The following FAAH2 variants were observed in gnomAD, a reference collection of about 807,000 sequenced individuals.
FAAH2 encodes the protein fatty acid amide hydrolase 2, also known as fatty-acid amide hydrolase 2.
A neutral mutation model predicts 36.9 loss-of-function variants in FAAH2; 60 were observed. The ratio of observed to expected loss-of-function variants is 1.63; its 90% confidence interval spans 1.32 to 2.02. The LOEUF (loss-of-function observed/expected upper bound fraction) is 2.02, where lower values mean the gene tolerates loss of function less well. Among genes scored for constraint, FAAH2 ranks in the 30% most tolerant of loss-of-function variants. The pLI is 0.00. For synonymous variants in FAAH2, 214 were observed against 143.8 expected (o/e 1.49, Z -3.49); for missense variants, 689 against 397.5 (o/e 1.73, Z -6.23).
At position 57,288,091 on chromosome X, in the gene FAAH2, T is replaced by G. The variant is rs186440692; in HGVS notation, c.192+1074T>G. ...ATTGAGATTTTGACATTACTTTTAA[T>G]GGCAAAAATCACAATTACTTTTGCA... On this transcript the variant is annotated intron_variant, in intron 1 of 10. Transcript: ENST00000374900. Among the ~76,000 whole-genome samples, 527 of 110,947 alleles carry G rather than the reference T, an allele frequency of 4.8e-3. 3 individuals are homozygous for G. The highest frequency in any genetic ancestry group is 0.016 in the African/African-American group (496 of 30,487).
At chrX:57,466,495 T>C (rs1384775824) in intron 10 of FAAH2, among the ~76,000 whole-genome samples, 2 of 106,366 alleles carry the variant, frequency 1.9e-5, no homozygotes, top group Non-Finnish European at 3.9e-5. Context: ...AAACGAGGCA[T>C]ATAGAAAACA....
At chrX:57,331,354 C>G (rs778427493) in intron 3 of FAAH2, among the ~76,000 whole-genome samples, 1 of 110,950 alleles carries the variant, frequency 9.0e-6, no homozygotes, top group Non-Finnish European at 1.9e-5. Context: ...TCCCAGTGAA[C>G]AGTAGCCCTG....
the FAAH2 span, among the ~76,000 whole-genome samples, chrX:57,216,598 G>GTATATATACGTA: frequency 2.1e-4 from 1 of 4,687 alleles, no homozygotes; most frequent in Non-Finnish European, 6.0e-4. Flanking sequence ...GTATATATAT[G>GTATATATACGTA]TATATATATA....
At chrX:57,141,225 T>C in the FAAH2 span, among the ~76,000 whole-genome samples, 2 of 112,422 alleles carry the variant, frequency 1.8e-5, no homozygotes, top group Non-Finnish European at 3.8e-5. Flanking sequence ...TCTATTTATG[T>C]GATATATCAC....
intron 8 of FAAH2, among the ~76,000 whole-genome samples, chrX:57,437,734 TA>T (rs1231126504): frequency 1.8e-4 from 19 of 103,094 alleles, no homozygotes. Context: ...TATTATATAT[TA>T]TATATATTAT....
intron 2 of FAAH2, among the ~76,000 whole-genome samples, chrX:57,300,187 C>T (rs1033182198): frequency 4.1e-4 from 46 of 111,471 alleles, no homozygotes; most frequent in Admixed American, 3.3e-3. Context: ...GGAGGCATCA[C>T]GCTACCTGAC....
intron 10 of FAAH2, chrX:57,452,177 A>G (rs1338756521): frequency 2.7e-6 from 2 of 752,892 alleles, no homozygotes; most frequent in Non-Finnish European, 3.1e-6. Flanking sequence ...CCTGAGATGA[A>G]CAGCATTGGC....
At chrX:57,169,844 T>C in the FAAH2 span, among the ~76,000 whole-genome samples, 39 of 105,988 alleles carry the variant, frequency 3.7e-4, no homozygotes, top group African/African-American at 1.3e-3. Context: ...TCCTTAACAT[T>C]AGCATCTCTC....
the FAAH2 span, among the ~76,000 whole-genome samples, chrX:57,194,533 C>G: frequency 9.0e-6 from 1 of 110,833 alleles, no homozygotes; most frequent in African/African-American, 3.3e-5. Context: ...TTTCTTCTAA[C>G]TATGCATTTT....
chrX:57,309,475 T>C (rs1253102884), intron 2 of FAAH2, among the ~76,000 whole-genome samples: 2 of 112,132 alleles, frequency 1.8e-5, no homozygotes, highest in Non-Finnish European at 3.8e-5. Flanking sequence ...TATTTTATTT[T>C]AAGTACTGGG....
intron 4 of FAAH2, among the ~76,000 whole-genome samples, chrX:57,337,675 G>A (rs2053588233): frequency 8.9e-6 from 1 of 112,047 alleles, no homozygotes; most frequent in South Asian, 3.7e-4. Context: ...TTCAATAGAT[G>A]CAGAAAAGGC....
rs371796987 is a variant in FAAH2 at position 57,385,530 on chromosome X, G to A, written c.996+4501G>A. Among the ~76,000 whole-genome samples the A allele has an allele frequency of 2.2e-4, 25 of 111,642 alleles. 1 individual carries two copies. In the South Asian group the frequency reaches 6.4e-3, roughly 29 times the overall value. On this transcript the variant is annotated intron_variant, in intron 7 of 10. Coordinates refer to ENST00000374900, the MANE Select transcript of FAAH2 (RefSeq NM_174912.4). ...AGGGGAGAAACATGGCAGAAGGGTG[G>A]AAGAGACAGCTGCTAAGGCTGCATA...
the FAAH2 span, among the ~76,000 whole-genome samples, chrX:57,173,617 T>C: frequency 1.4e-3 from 152 of 112,080 alleles, 1 homozygote; most frequent in African/African-American, 4.3e-3. Context: ...TTAAGTTGAA[T>C]AGAAGTGATG....
chrX:57,408,623 G>C (rs747408881), intron 7 of FAAH2, among the ~76,000 whole-genome samples: 6 of 110,068 alleles, frequency 5.5e-5, no homozygotes, highest in African/African-American at 2.0e-4. Flanking sequence ...AATAGCCAAA[G>C]TGAACACCTT....
chrX:57,280,376 A>T, the FAAH2 span, among the ~76,000 whole-genome samples: 2 of 111,793 alleles, frequency 1.8e-5, no homozygotes. Flanking sequence ...CAAGCAAAAA[A>T]AATCCAATTA....
intron 3 of FAAH2, among the ~76,000 whole-genome samples, chrX:57,311,121 G>A (rs768213685): frequency 4.4e-4 from 49 of 112,009 alleles, no homozygotes; most frequent in African/African-American, 1.5e-3. Flanking sequence ...CTTCCTGCTA[G>A]CCTCAAAAGT....
the FAAH2 span, among the ~76,000 whole-genome samples, chrX:57,207,173 A>G: frequency 1.1e-4 from 12 of 110,975 alleles, no homozygotes; most frequent in Non-Finnish European, 2.3e-4. Context: ...GTTGACTTTC[A>G]GGGCTGTATG....
At chrX:57,479,279 G>A (rs1392316598) in intron 10 of FAAH2, among the ~76,000 whole-genome samples, 1 of 111,275 alleles carries the variant, frequency 9.0e-6, no homozygotes, top group Non-Finnish European at 1.9e-5. Context: ...TCATGATTTG[G>A]CTCTCTGTTT....
chrX:57,326,931 GC>G (rs2053236183), intron 3 of FAAH2, among the ~76,000 whole-genome samples: 1 of 92,739 alleles, frequency 1.1e-5, no homozygotes, highest in African/African-American at 4.1e-5. Context: ...TTTCTCCCTA[GC>G]CTTGATGGTC....
Sources: gnomAD v4.1 joint callset for allele counts (sites outside exome capture counted in the v4.1 genomes callset) on GRCh38, gnomAD v4.1.1 for gene constraint, MANE v1.5 for transcripts, NCBI Gene and HGNC (gene_info 2026-07-23, HGNC 2026-07-21) for gene names.